Variants in STK3 observed in about 807,000 individuals in gnomAD.
The protein encoded by STK3 is serine/threonine-protein kinase 3.
STK3 carries 41 observed loss-of-function variants against 58.0 expected under a neutral mutation model. The observed-to-expected ratio is 0.71, with a 90% CI of 0.55 to 0.92. STK3 has a LOEUF of 0.92. Among genes scored for constraint, STK3 ranks in the 40% least tolerant of loss-of-function variants. STK3 has a pLI of 0.00. For synonymous variants in STK3, 170 were observed against 191.0 expected (o/e 0.89, Z 0.91); for missense variants, 479 against 602.7 (o/e 0.79, Z 2.15).
chr8:98,452,863 C>T (rs1438947569), downstream of STK3, among the ~76,000 whole-genome samples: 4 of 149,914 alleles, frequency 2.7e-5, no homozygotes, highest in African/African-American at 4.9e-5. Context: ...CAGGTTCAAG[C>T]GATTCTCCTC....
intron 1 of STK3, among the ~76,000 whole-genome samples, chr8:98,803,681 G>A (rs776424721): frequency 4.6e-5 from 7 of 151,116 alleles, no homozygotes; most frequent in South Asian, 2.1e-4. Context: ...GAATTCTGCT[G>A]CTGAGCAATA....
At chr8:98,665,121 T>G (rs1349357949) in intron 6 of STK3, among the ~76,000 whole-genome samples, 3 of 152,210 alleles carry the variant, frequency 2.0e-5, no homozygotes, top group Non-Finnish European at 4.4e-5. Flanking sequence ...AACTTCCTAC[T>G]GTGTGTCAAA....
chr8:98,683,357 A>G (rs1403523676), intron 6 of STK3, among the ~76,000 whole-genome samples: 2 of 152,036 alleles, frequency 1.3e-5, no homozygotes, highest in African/African-American at 2.4e-5. Context: ...TTGTAAGTAC[A>G]ACACTTATTA....
At position 98,428,926 on chromosome 8, in the gene STK3, G is replaced by T. The variant is rs760969781; in HGVS notation, n.483+5201C>A. ...CTGGCCAGGCACTCCACTGGCCTCCGCTCCCTGGGGGCCACTTTGAAATAC... is the reference window on the plus strand; with the variant it reads ...CTGGCCAGGCACTCCACTGGCCTCCTCTCCCTGGGGGCCACTTTGAAATAC... On this transcript the variant is annotated intron_variant and non_coding_transcript_variant, in intron 3 of 3. Coordinates refer to the STK3 transcript ENST00000517832. This position sits in a 1 kb window ranked among gnomAD's most constrained non-coding sequence, Gnocchi z 6.7. 1 of 1,614,048 alleles carries T rather than the reference G, an allele frequency of 6.2e-7. No individual in the cohort carries two copies. The highest frequency in any genetic ancestry group is 2.2e-5 in the East Asian group (1 of 44,874).
chr8:98,824,448 T>C (rs1427689108), intron 1 of STK3, among the ~76,000 whole-genome samples: 1 of 152,236 alleles, frequency 6.6e-6, no homozygotes, highest in Non-Finnish European at 1.5e-5. Flanking sequence ...CTTCCAGTTC[T>C]TCCAGAAAAG....
At chr8:98,468,812 C>T (rs1313694564) in intron 10 of STK3, among the ~76,000 whole-genome samples, 1 of 152,124 alleles carries the variant, frequency 6.6e-6, no homozygotes, top group East Asian at 1.9e-4. Context: ...GCAGAAATCA[C>T]AGAAAATAAA....
chr8:98,857,339 T>A (rs1218550559), intron 3 of STK3, among the ~76,000 whole-genome samples: 2 of 152,218 alleles, frequency 1.3e-5, no homozygotes, highest in Non-Finnish European at 2.9e-5. Context: ...CCTGAAAGTT[T>A]AGCTTCATGG....
chr8:98,893,488 GA>G (rs1312675192), intron 1 of STK3, among the ~76,000 whole-genome samples: 1 of 58,966 alleles, frequency 1.7e-5, no homozygotes, highest in African/African-American at 5.4e-5. Flanking sequence ...GAAAGAAAGA[GA>G]AAGAAAGAAA....
chr8:98,458,920 T>C (rs1268668176), intron 10 of STK3, among the ~76,000 whole-genome samples: 4 of 152,298 alleles, frequency 2.6e-5, no homozygotes, highest in South Asian at 2.1e-4. Context: ...TATTTCTTTA[T>C]AGTAGTGTGA....
chr8:98,491,534 G>A (rs1332925710), intron 10 of STK3, among the ~76,000 whole-genome samples: 3 of 151,878 alleles, frequency 2.0e-5, no homozygotes, highest in Non-Finnish European at 4.4e-5. Context: ...TCCACCTCCC[G>A]GGTTCAAGCA....
chr8:98,723,682 A>G (rs1353646551), intron 4 of STK3, among the ~76,000 whole-genome samples: 1 of 152,192 alleles, frequency 6.6e-6, no homozygotes, highest in Non-Finnish European at 1.5e-5. Flanking sequence ...TCTACATTTA[A>G]TACCTATTAG....
intron 1 of STK3, among the ~76,000 whole-genome samples, chr8:98,446,448 G>T (rs1198665100): frequency 6.6e-6 from 1 of 152,176 alleles, no homozygotes. Context: ...TGTTTGAAGG[G>T]TTTTCTGTGC....
At chr8:98,423,968 A>G (rs1359233395) in intron 3 of STK3, among the ~76,000 whole-genome samples, 3 of 152,206 alleles carry the variant, frequency 2.0e-5, no homozygotes. Context: ...CAGGCCAGCC[A>G]GGCCAGCCCA....
At chr8:98,377,160 C>G (rs938917771) in intron 2 of STK3, among the ~76,000 whole-genome samples, 1 of 152,086 alleles carries the variant, frequency 6.6e-6, no homozygotes, top group Non-Finnish European at 1.5e-5. Context: ...CAATCAATTC[C>G]CCTTAACCTT....
At chr8:98,737,976 C>A (rs920373269) in intron 4 of STK3, among the ~76,000 whole-genome samples, 1 of 152,074 alleles carries the variant, frequency 6.6e-6, no homozygotes, top group African/African-American at 2.4e-5. Flanking sequence ...TCCAGAAGTG[C>A]CAGGATTACA....
intron 8 of STK3, among the ~76,000 whole-genome samples, chr8:98,575,459 C>G (rs530348086): frequency 6.6e-6 from 1 of 150,870 alleles, no homozygotes; most frequent in East Asian, 1.9e-4. Flanking sequence ...TATCTAGTAT[C>G]ACAGCATTTT....
At chr8:98,933,811 C>T (rs1840092768) in intron 1 of STK3, among the ~76,000 whole-genome samples, 1 of 152,170 alleles carries the variant, frequency 6.6e-6, no homozygotes, top group Admixed American at 6.5e-5. Context: ...CCTTCCATAC[C>T]TATGTTACTA....
At chr8:98,862,026 C>G (rs969721578) in intron 3 of STK3, among the ~76,000 whole-genome samples, 3 of 152,148 alleles carry the variant, frequency 2.0e-5, no homozygotes, top group Non-Finnish European at 4.4e-5. Flanking sequence ...TTTTTTCCCA[C>G]TCAAACCTGT....
chr8:98,347,096 A>G, the STK3 span, among the ~76,000 whole-genome samples: 2 of 151,974 alleles, frequency 1.3e-5, no homozygotes, highest in Admixed American at 1.3e-4. Context: ...CTATAATATC[A>G]CTTGAAGGTA....
Sources: allele counts gnomAD v4.1 joint callset (sites outside exome capture counted in the v4.1 genomes callset), GRCh38; gene constraint gnomAD v4.1.1; non-coding constraint Gnocchi (gnomAD v3.1); transcripts MANE v1.5; gene names NCBI Gene and HGNC (gene_info 2026-07-23, HGNC 2026-07-21).